RBFOX1: variants seen among roughly 807,000 people sequenced by gnomAD.
RBFOX1 encodes the protein RNA binding protein fox-1 homolog 1.
RBFOX1 carries 8 observed loss-of-function variants against 57.7 expected under a neutral mutation model. The ratio of observed to expected loss-of-function variants is 0.14; its 90% CI spans 0.08 to 0.25. The LOEUF (loss-of-function observed/expected upper bound fraction) is 0.25. Among genes scored for constraint, RBFOX1 ranks in the 10% least tolerant of loss-of-function variants. RBFOX1 has a pLI of 1.00. For missense variants in RBFOX1, 611 were observed against 548.5 expected (o/e 1.11, Z -1.14); for synonymous variants, 326 against 222.4 (o/e 1.47, Z -4.15).
intron 3 of RBFOX1, among the ~76,000 whole-genome samples, chr16:5,699,061 C>G (rs1221216500): frequency 6.8e-6 from 1 of 148,102 alleles, no homozygotes; most frequent in Non-Finnish European, 1.5e-5. Context: ...GATCTCGGCT[C>G]ACTGCAACCT....
At chr16:6,031,959 A>G (rs2152389604) in intron 1 of RBFOX1, among the ~76,000 whole-genome samples, 2 of 152,298 alleles carry the variant, frequency 1.3e-5, no homozygotes, top group Middle Eastern at 6.8e-3. Flanking sequence ...TGTTCACTGT[A>G]GTCCACCCCT....
intron 2 of RBFOX1, among the ~76,000 whole-genome samples, chr16:6,633,857 ATAAAT>A (rs1453765043): frequency 6.6e-6 from 1 of 152,110 alleles, no homozygotes; most frequent in Non-Finnish European, 1.5e-5. Context: ...AAAAATAAAA[ATAAAT>A]TAGCCATGCA....
chr16:6,928,520 T>A (rs1042131908), intron 3 of RBFOX1, among the ~76,000 whole-genome samples: 1 of 152,086 alleles, frequency 6.6e-6, no homozygotes, highest in Admixed American at 6.5e-5. Context: ...GCACCTCTTG[T>A]CTTCTCTAAT....
At chr16:6,760,670 A>G (rs1208002104) in intron 3 of RBFOX1, among the ~76,000 whole-genome samples, 1 of 152,210 alleles carries the variant, frequency 6.6e-6, no homozygotes, top group Non-Finnish European at 1.5e-5. Flanking sequence ...GAGAGATCCA[A>G]TCTTTCCCTT....
chr16:7,151,260 C>G (rs1293207494), intron 4 of RBFOX1, among the ~76,000 whole-genome samples: 1 of 152,156 alleles, frequency 6.6e-6, no homozygotes, highest in Non-Finnish European at 1.5e-5. Flanking sequence ...ATTTTTCTTG[C>G]CTTCACTTGG....
chr16:6,142,144 G>T lies in RBFOX1; in HGVS notation c.-127+122152G>T, dbSNP rs1332270672. Among the ~76,000 whole-genome samples the T allele has an allele frequency of 3.4e-5, 4 of 116,222 alleles. No individual in the cohort carries two copies. In the Admixed American group the frequency reaches 3.6e-4, roughly 10 times the overall value. 76.2% of individuals were successfully genotyped at this position (116,222 alleles called of 152,430 possible). A position where few individuals can be genotyped will look rare whatever the true frequency, so the allele number is the denominator to read the frequency against. On this transcript the variant is annotated intron_variant, in intron 1 of 15. Coordinates refer to ENST00000550418, the MANE Select transcript of RBFOX1 (RefSeq NM_018723.4). The stretch of plus-strand genomic sequence containing the variant: ...CCTGATTAATTTCTCTAAAAAATCA[G>T]CTTTTCTATATAACCCCCTTCAGAG...
chr16:5,774,039 G>A (rs1209260460), intron 3 of RBFOX1, among the ~76,000 whole-genome samples: 1 of 152,100 alleles, frequency 6.6e-6, no homozygotes, highest in African/African-American at 2.4e-5. Context: ...CCTCCACATA[G>A]GTCATAGTCA....
rs534071582 is a variant in RBFOX1 at position 6,979,918 on chromosome 16, A to C, written c.-15-72139A>C. Among the ~76,000 whole-genome samples, 333 of 152,192 alleles carry C rather than the reference A, an allele frequency of 2.2e-3. 1 individual carries two copies. Among genetic ancestry groups the C allele is most frequent in the Non-Finnish European group, 3.9e-3 (264 of 68,004 alleles). On this transcript the variant is annotated intron_variant, in intron 3 of 15. Coordinates refer to ENST00000550418, the MANE Select transcript of RBFOX1 (RefSeq NM_018723.4). ...CACAGGACAAGATCTTGTCAAAGAG[A>C]TGGAACTGCCAGTTTCTGAGAGGTC...
intron 4 of RBFOX1, among the ~76,000 whole-genome samples, chr16:7,138,439 C>T (rs1391271630): frequency 6.6e-6 from 1 of 152,078 alleles, no homozygotes. Flanking sequence ...AACGTGGAGG[C>T]AAGGATGCTC....
chr16:5,453,492 C>G (rs192433060), intron 1 of RBFOX1, among the ~76,000 whole-genome samples: 31 of 152,290 alleles, frequency 2.0e-4, no homozygotes, highest in African/African-American at 7.2e-4. Context: ...CTAGGCACCC[C>G]TCTTCATCAA....
intron 4 of RBFOX1, among the ~76,000 whole-genome samples, chr16:5,942,161 G>A (rs908097642): frequency 6.6e-6 from 1 of 152,116 alleles, no homozygotes; most frequent in African/African-American, 2.4e-5. Flanking sequence ...AGAGAAAGAA[G>A]TTTAATACAT....
chr16:5,933,381 C>G (rs765391563), intron 4 of RBFOX1, among the ~76,000 whole-genome samples: 33 of 152,174 alleles, frequency 2.2e-4, no homozygotes, highest in Non-Finnish European at 4.1e-4. Context: ...TTCGTGTGTT[C>G]TTATGCACGC....
chr16:7,666,219 C>T (rs764108027), intron 13 of RBFOX1, among the ~76,000 whole-genome samples: 3 of 152,112 alleles, frequency 2.0e-5, no homozygotes, highest in African/African-American at 2.4e-5. Flanking sequence ...TCCTGGCTCT[C>T]GACTCCATGC....
Position 6,626,626 on chromosome 16 carries a change from G to A in RBFOX1, c.-63-27977G>A, listed in dbSNP as rs181374353. On this transcript the variant is annotated intron_variant, in intron 2 of 15. Coordinates refer to ENST00000550418, the MANE Select transcript of RBFOX1 (RefSeq NM_018723.4). ...AATACAGAAATTAGCTAGGTATGGT[G>A]GTGCGCACCTGTAATCGCAGGTACT... 1.8e-4 allele frequency among the ~76,000 whole-genome samples: 28 copies of A among 152,232 alleles called. No individual in the cohort carries two copies. The East Asian group carries it at 5.2e-3, about 28-fold the overall frequency.
chr16:6,641,172 C>T (rs1415214944), intron 2 of RBFOX1, among the ~76,000 whole-genome samples: 1 of 152,134 alleles, frequency 6.6e-6, no homozygotes, highest in Non-Finnish European at 1.5e-5. Flanking sequence ...ACCCCGTAAT[C>T]TTGTATTTGC....
intron 3 of RBFOX1, among the ~76,000 whole-genome samples, chr16:5,679,941 T>C (rs901991283): frequency 1.3e-5 from 2 of 152,192 alleles, no homozygotes; most frequent in African/African-American, 4.8e-5. Flanking sequence ...CTTCCTGTCA[T>C]TGCTCTCTTT....
intron 3 of RBFOX1, among the ~76,000 whole-genome samples, chr16:6,878,270 G>A (rs9888918): frequency 0.011 from 1,692 of 152,280 alleles, 24 homozygotes; most frequent in African/African-American, 0.039. Flanking sequence ...TGTGATTTGA[G>A]TGAGGCCATG....
At chr16:5,261,174 C>T (rs1243737226) in intron 1 of RBFOX1, 4 of 152,164 alleles carry the variant, frequency 2.6e-5, no homozygotes, top group Admixed American at 2.0e-4. Flanking sequence ...TTCCTACAGT[C>T]CCTCCCTTTA....
intron 4 of RBFOX1, among the ~76,000 whole-genome samples, chr16:7,455,975 C>T (rs1468990391): frequency 6.6e-6 from 1 of 152,014 alleles, no homozygotes; most frequent in East Asian, 1.9e-4. Flanking sequence ...AAGTTCAATC[C>T]CTTTTATTAA....
Sources: gnomAD v4.1 joint callset for allele counts (sites outside exome capture counted in the v4.1 genomes callset) on GRCh38, gnomAD v4.1.1 for gene constraint, MANE v1.5 for transcripts, NCBI Gene and HGNC (gene_info 2026-07-23, HGNC 2026-07-21) for gene names.